The following CRK variants were observed in gnomAD, a reference collection of about 807,000 sequenced individuals.
The protein encoded by CRK is CRK proto-oncogene, adaptor protein.
In CRK, 4 loss-of-function variants were observed where a neutral mutation model predicts 29.8. The ratio of observed to expected loss-of-function variants is 0.13; its 90% CI spans 0.07 to 0.31. The LOEUF (loss-of-function observed/expected upper bound fraction) is 0.31. CRK is among the 10% of genes least tolerant of loss of function. The pLI, the probability that CRK is intolerant of heterozygous loss-of-function variation, is 1.00. For synonymous variants in CRK, 153 were observed against 164.9 expected (o/e 0.93, Z 0.55); for missense variants, 274 against 396.5 (o/e 0.69, Z 2.62).
chr17:1,452,792 A>AAAAAG (rs1273114305), intron 1 of CRK, among the ~76,000 whole-genome samples: 1 of 151,638 alleles, frequency 6.6e-6, no homozygotes, highest in Non-Finnish European at 1.5e-5. Context: ...ACTCGGTCTC[A>AAAAAG]AAAAGAAAAA....
Position 1,436,681 on chromosome 17 carries a change from T to C in CRK, c.716A>G (p.Tyr239Cys). ...PLPNLQNGPI[Y>C]ARVIQKRVPN... ...GACTCGCTTCTGGATAACCCTGGCATATATGGGCCCATTCTGGAGGTTAGG... is the reference window on the plus strand; with the variant it reads ...GACTCGCTTCTGGATAACCCTGGCACATATGGGCCCATTCTGGAGGTTAGG... Residue 239 changes from tyrosine to cysteine, a missense_variant, in exon 2 of 3, where the codon TAT becomes TGT. Coordinates refer to ENST00000300574, the MANE Select transcript of CRK (RefSeq NM_016823.4). The C allele has an allele frequency of 1.9e-6, 3 of 1,612,774 alleles. No individual in the cohort carries two copies. The highest frequency in any genetic ancestry group is 1.1e-5 in the South Asian group (1 of 90,984).
intron 2 of CRK, among the ~76,000 whole-genome samples, chr17:1,428,742 T>A (rs1380731807): frequency 6.6e-6 from 1 of 151,910 alleles, no homozygotes; most frequent in Admixed American, 6.6e-5. Context: ...CAGGCTGGTC[T>A]TGAACTCCTG....
chr17:1,442,303 C>A (rs1037536612), intron 1 of CRK, among the ~76,000 whole-genome samples: 1 of 151,812 alleles, frequency 6.6e-6, no homozygotes, highest in Admixed American at 6.6e-5. Flanking sequence ...TATAGGCGCA[C>A]ACCACACCTG....
rs2073889871 is a variant in CRK at position 1,436,783 on chromosome 17, T to A, written c.614A>T (p.Gln205Leu). 1 of 1,584,350 alleles carries A rather than the reference T, an allele frequency of 6.3e-7. No homozygotes were observed. Among genetic ancestry groups the A allele is most frequent in the African/African-American group, 1.4e-5 (1 of 74,052 alleles). The change falls in exon 2 of 3, where the codon CAG becomes CTG. Residue 205 changes from glutamine to leucine, a missense_variant. Gln to Leu is a moderately radical substitution (Grantham distance 113). Around this residue, in one of 3 missense-constraint regions of CRK, gnomAD observed 121 missense variants for 154.3 expected, o/e 0.78. Transcript: ENST00000300574. ...ASVSALIGGN[Q>L]EGSHPQPLGG... Reference sequence around the variant, plus strand: ...CAGTGGCTGTGGGTGGGAACCCTCCTGGTTACCTCCAATCAGAGCCGATAC... The same window carrying A: ...CAGTGGCTGTGGGTGGGAACCCTCCAGGTTACCTCCAATCAGAGCCGATAC...
intron 2 of CRK, among the ~76,000 whole-genome samples, chr17:1,431,439 C>G (rs1269534656): frequency 2.6e-5 from 4 of 152,036 alleles, no homozygotes; most frequent in African/African-American, 7.2e-5. Flanking sequence ...TGAGGGGTAT[C>G]ATACCGGGGC....
At chr17:1,431,444 C>T (rs184467101) in intron 2 of CRK, among the ~76,000 whole-genome samples, 2 of 152,042 alleles carry the variant, frequency 1.3e-5, no homozygotes, top group East Asian at 3.9e-4. Context: ...GGTATCATAC[C>T]GGGGCGGTGG....
At chr17:1,429,084 G>A (rs1355520381) in intron 2 of CRK, among the ~76,000 whole-genome samples, 8 of 151,838 alleles carry the variant, frequency 5.3e-5, no homozygotes, top group Admixed American at 2.6e-4. Flanking sequence ...CTGACCTCAG[G>A]TGATCCGCCC....
chr17:1,448,249 G>A (rs2073989996), intron 1 of CRK, among the ~76,000 whole-genome samples: 2 of 152,094 alleles, frequency 1.3e-5, no homozygotes, highest in Non-Finnish European at 2.9e-5. Flanking sequence ...TTTTCTAGCT[G>A]TCTGAGTTAC....
rs1266634916 is a variant in CRK, at chr17:1,440,944, TTTG to T, written c.242-3792_242-3790del. On this transcript the variant is annotated intron_variant, in intron 1 of 2. Transcript: ENST00000300574. ...CAAATGAGTTTTGTGAGTTTTTGGCTTTGTTGTTGTCTTGTGACAGAGTGGTCT... is the reference window on the plus strand; with the variant it reads ...CAAATGAGTTTTGTGAGTTTTTGGCTTTGTTGTCTTGTGACAGAGTGGTCT... Among the ~76,000 whole-genome samples the T allele has an allele frequency of 4.6e-5, 7 of 152,180 alleles. No individual in the cohort carries two copies. The East Asian group carries it at 9.6e-4, about 21-fold the overall frequency.
intron 1 of CRK, among the ~76,000 whole-genome samples, chr17:1,451,307 T>C (rs2074016271): frequency 6.6e-6 from 1 of 151,310 alleles, no homozygotes; most frequent in Non-Finnish European, 1.5e-5. Context: ...CTCAGCTCAC[T>C]GCAACCTCTG....
At chr17:1,431,772 TC>T (rs2073847134) in intron 2 of CRK, among the ~76,000 whole-genome samples, 1 of 152,038 alleles carries the variant, frequency 6.6e-6, no homozygotes, top group Non-Finnish European at 1.5e-5. Flanking sequence ...ATGATGGGTT[TC>T]ACCATGTTGA....
rs2073890377 is a variant in CRK at position 1,436,831 on chromosome 17, T to C, written c.566A>G (p.Lys189Arg). 2 of 1,593,956 alleles carry C rather than the reference T, an allele frequency of 1.3e-6. No homozygotes were observed. The highest frequency in any genetic ancestry group is 3.4e-5 in the Admixed American group (2 of 58,022). The change falls in exon 2 of 3, where the codon AAG becomes AGG. Residue 189 changes from lysine (K) to arginine (R), a missense_variant. Lys to Arg is a conservative substitution (Grantham distance 26). Transcript: ENST00000300574. ...TACTGAGGCGGAGGCAGGTCTATAC[T>C]TCTCGACGTAAGGGACTGGAATCAT... ...RGMIPVPYVE[K>R]YRPASASVSA...
intron 1 of CRK, among the ~76,000 whole-genome samples, chr17:1,444,597 G>GT (rs1555654438): frequency 9.1e-6 from 1 of 110,486 alleles, no homozygotes; most frequent in Non-Finnish European, 1.6e-5. Context: ...AGCCGAAGCG[G>GT]GGGGGGGGAT....
intron 2 of CRK, among the ~76,000 whole-genome samples, chr17:1,431,518 G>C (rs573277794): frequency 6.6e-6 from 1 of 151,680 alleles, no homozygotes; most frequent in Non-Finnish European, 1.5e-5. Context: ...TCAGGAGATC[G>C]AGACCATCCT....
chr17:1,453,644 C>G (rs887046412), intron 1 of CRK, among the ~76,000 whole-genome samples: 4 of 152,158 alleles, frequency 2.6e-5, no homozygotes, highest in Non-Finnish European at 5.9e-5. Context: ...TGGTGGCTCA[C>G]GCCTGTAATC....
At chr17:1,438,277 G>A (rs1290949962) in intron 1 of CRK, among the ~76,000 whole-genome samples, 1 of 151,904 alleles carries the variant, frequency 6.6e-6, no homozygotes, top group African/African-American at 2.4e-5. Flanking sequence ...CTACAGGCAC[G>A]CTCAACCATA....
chr17:1,432,503 C>T (rs938192491), intron 2 of CRK, among the ~76,000 whole-genome samples: 34 of 134,202 alleles, frequency 2.5e-4, no homozygotes, highest in Admixed American at 1.6e-4. Flanking sequence ...AAAGGCCAGG[C>T]GCGGTGGCTC....
chr17:1,452,642 T>G (rs1471385593), intron 1 of CRK, among the ~76,000 whole-genome samples: 3 of 151,644 alleles, frequency 2.0e-5, no homozygotes, highest in African/African-American at 7.3e-5. Context: ...ATACAAAAAT[T>G]AGCTGAGCAT....
At chr17:1,435,881 GAGGA>G (rs138056436) in intron 2 of CRK, among the ~76,000 whole-genome samples, 2,131 of 152,204 alleles carry the variant, frequency 0.014, 36 homozygotes, top group African/African-American at 0.049. Context: ...GGGAGAGAGG[GAGGA>G]AGGAAGAAGA....
Sources: gnomAD v4.1 joint callset for allele counts (sites outside exome capture counted in the v4.1 genomes callset) on GRCh38, gnomAD v4.1.1 for gene constraint, gnomAD v4.1.1 regional missense constraint, MANE v1.5 for transcripts, NCBI Gene and HGNC (gene_info 2026-07-23, HGNC 2026-07-21) for gene names.